The following SRRM4 variants were observed in gnomAD, a reference collection of about 807,000 sequenced individuals.
The protein encoded by SRRM4 is serine/arginine repetitive matrix 4.
In SRRM4, 33 loss-of-function variants were observed where a neutral mutation model predicts 68.9. That is an observed-to-expected ratio of 0.48 (90% CI 0.36 to 0.64). The LOEUF is 0.64. SRRM4 is among the 30% of genes least tolerant of loss of function. The pLI is 0.00. For synonymous variants in SRRM4, 318 were observed against 318.8 expected (o/e 1.00, Z 0.03); for missense variants, 817 against 827.1 (o/e 0.99, Z 0.15).
chr12:119,094,235 C>T (rs1356959555), intron 1 of SRRM4, among the ~76,000 whole-genome samples: 1 of 152,122 alleles, frequency 6.6e-6, no homozygotes, highest in African/African-American at 2.4e-5. Context: ...GGGAGCTGTG[C>T]TTGTCTATGT....
chr12:119,062,050 C>T (rs1953815785), intron 1 of SRRM4, among the ~76,000 whole-genome samples: 1 of 152,206 alleles, frequency 6.6e-6, no homozygotes, highest in Non-Finnish European at 1.5e-5. Flanking sequence ...TAGCCTACTT[C>T]ACACCTAGGC....
intron 4 of SRRM4, among the ~76,000 whole-genome samples, chr12:119,117,788 T>C (rs1297411358): frequency 3.3e-5 from 5 of 152,120 alleles, no homozygotes; most frequent in African/African-American, 1.2e-4. Flanking sequence ...GGCACGTGCC[T>C]GTAATCCCAG....
chr12:119,059,022 G>A (rs1459370875), intron 1 of SRRM4, among the ~76,000 whole-genome samples: 2 of 152,124 alleles, frequency 1.3e-5, no homozygotes, highest in African/African-American at 4.8e-5. Context: ...TATTTAGCTG[G>A]AGACACCTCT....
At chr12:119,027,246 TA>T (rs1320741981) in intron 1 of SRRM4, among the ~76,000 whole-genome samples, 2 of 152,234 alleles carry the variant, frequency 1.3e-5, no homozygotes, top group African/African-American at 2.4e-5. Context: ...TGTGATCCTG[TA>T]TTTCTCTATG....
chr12:119,151,695 G>A (rs1380307782), intron 10 of SRRM4, among the ~76,000 whole-genome samples: 1 of 152,080 alleles, frequency 6.6e-6, no homozygotes, highest in African/African-American at 2.4e-5. Context: ...TTGATTGACT[G>A]GTGGGTTGGC....
intron 7 of SRRM4, among the ~76,000 whole-genome samples, chr12:119,127,896 T>C (rs7304803): frequency 0.69 from 104,801 of 152,002 alleles, 36,266 homozygotes; most frequent in South Asian, 0.74. Flanking sequence ...ATTCTGATAA[T>C]ACTACGTGCT....
At chr12:119,056,771 T>C (rs1953779125) in intron 1 of SRRM4, among the ~76,000 whole-genome samples, 1 of 152,178 alleles carries the variant, frequency 6.6e-6, no homozygotes, top group Non-Finnish European at 1.5e-5. Context: ...TCAACACTTC[T>C]TCCTTTGTTG....
At chr12:119,038,231 G>A (rs973310122) in intron 1 of SRRM4, among the ~76,000 whole-genome samples, 1 of 145,292 alleles carries the variant, frequency 6.9e-6, no homozygotes, top group Non-Finnish European at 1.5e-5. Flanking sequence ...TTGAGACAGA[G>A]TCTCTCTCTG....
intron 2 of SRRM4, among the ~76,000 whole-genome samples, chr12:119,110,335 C>G (rs1382045596): frequency 1.3e-5 from 2 of 152,182 alleles, no homozygotes; most frequent in Non-Finnish European, 2.9e-5. Flanking sequence ...CTGGGAGAAC[C>G]ACTACTATCT....
intron 1 of SRRM4, 142 bp downstream of exon 1, chr12:118,982,155 A>T: frequency 9.5e-7 from 1 of 1,048,836 alleles, no homozygotes; most frequent in Non-Finnish European, 1.4e-6. Context: ...CCGCTGAAAC[A>T]TGGGAACTCA....
intron 1 of SRRM4, among the ~76,000 whole-genome samples, chr12:119,048,736 C>T (rs1397003904): frequency 6.6e-6 from 1 of 152,068 alleles, no homozygotes; most frequent in Non-Finnish European, 1.5e-5. Flanking sequence ...AGCAGCCTGG[C>T]CAACATGGAG....
Position 119,158,766 on chromosome 12 carries a change from CCTT to C in SRRM4, c.*1972_*1974del, listed in dbSNP as rs1954489876. The C allele has an allele frequency of 6.5e-6, 1 of 152,706 alleles. No homozygotes were observed. Among genetic ancestry groups the C allele is most frequent in the Admixed American group, 6.5e-5 (1 of 15,292 alleles). The allele number at this position is 152,706 out of a possible 1,614,324, so 9.5% of individuals were successfully genotyped here. ...AAAGGCTTCCCAGAGCCACCAAAAA[CCTT>C]CTTAGCAGGACAGCTGTGAGAGGCA... On this transcript the variant is annotated 3_prime_UTR_variant, in exon 13 of 13. Transcript: ENST00000267260.
intron 4 of SRRM4, among the ~76,000 whole-genome samples, chr12:119,118,542 G>A (rs1954196283): frequency 6.6e-6 from 1 of 152,196 alleles, no homozygotes; most frequent in Non-Finnish European, 1.5e-5. Flanking sequence ...GATGTTATCT[G>A]AGTTTGTGTT....
At chr12:119,092,335 A>G (rs1177238981) in intron 1 of SRRM4, among the ~76,000 whole-genome samples, 1 of 151,794 alleles carries the variant, frequency 6.6e-6, no homozygotes, top group Non-Finnish European at 1.5e-5. Context: ...TCTTCTCTGA[A>G]CTCCAGGCTC....
At chr12:118,984,482 G>C (rs1407512885) in intron 1 of SRRM4, among the ~76,000 whole-genome samples, 1 of 152,162 alleles carries the variant, frequency 6.6e-6, no homozygotes, top group Non-Finnish European at 1.5e-5. Context: ...GGGGATGGCA[G>C]GGAGTGGGTG....
At chr12:119,102,151 T>C in intron 1 of SRRM4, 85 bp from the exon 2 acceptor site, 1 of 1,337,806 alleles carries the variant, frequency 7.5e-7, no homozygotes. Context: ...AGCTGGGAAA[T>C]ACTAGTAATT....
intron 4 of SRRM4, among the ~76,000 whole-genome samples, chr12:119,117,900 G>A (rs1475790195): frequency 1.3e-5 from 2 of 151,724 alleles, no homozygotes; most frequent in Admixed American, 1.3e-4. Context: ...AGCAGAGTGA[G>A]ACTCTGTCTA....
At chr12:119,115,158 TGACGCCAGGTTCTCAGTTGGTTCTAC>T (rs1954170616) in intron 3 of SRRM4, among the ~76,000 whole-genome samples, 3 of 152,002 alleles carry the variant, frequency 2.0e-5, no homozygotes, top group Admixed American at 1.3e-4. Flanking sequence ...TACAGGGGCT[TGACGCCAGGTTCTCAGTTGGTTCTAC>T]GACGCCCACC....
intron 1 of SRRM4, among the ~76,000 whole-genome samples, chr12:118,991,206 A>G (rs1012731312): frequency 2.0e-5 from 3 of 151,426 alleles, no homozygotes; most frequent in South Asian, 4.2e-4. Flanking sequence ...CTAAAACACC[A>G]CCTCTCACTT....
Sources: gnomAD v4.1 joint callset for allele counts (sites outside exome capture counted in the v4.1 genomes callset) on GRCh38, gnomAD v4.1.1 for gene constraint, MANE v1.5 for transcripts, NCBI Gene and HGNC (gene_info 2026-07-23, HGNC 2026-07-21) for gene names.